MAP3K5: variants seen among roughly 807,000 people sequenced by gnomAD.
The protein encoded by MAP3K5 is ASK-1.
MAP3K5 carries 56 observed loss-of-function variants against 158.7 expected under a neutral mutation model. The observed-to-expected ratio is 0.35, with a 90% CI of 0.28 to 0.44. MAP3K5 has a LOEUF of 0.44. MAP3K5 is among the 20% of genes least tolerant of loss of function. The probability of loss-of-function intolerance (pLI) is 1.00; values close to 1 mark genes in which losing one functional copy is unlikely to be tolerated. For synonymous variants in MAP3K5, 579 were observed against 601.7 expected, an observed-to-expected ratio of 0.96 and a Z score of 0.55; for missense variants, 1,294 against 1,674.8, an observed-to-expected ratio of 0.77 and a Z score of 3.97.
intron 1 of MAP3K5, among the ~76,000 whole-genome samples, chr6:136,737,037 G>GTGTGTGTATATA (rs759947051): frequency 7.9e-6 from 1 of 127,002 alleles, no homozygotes; most frequent in African/African-American, 3.8e-5. Context: ...ATATGTGTGT[G>GTGTGTGTATATA]TATATATATA....
chr6:136,666,749 TAGTG>T (rs1779247013), intron 8 of MAP3K5, among the ~76,000 whole-genome samples: 1 of 152,208 alleles, frequency 6.6e-6, no homozygotes, highest in Non-Finnish European at 1.5e-5. Context: ...GAATCTAAGT[TAGTG>T]AGTTTTAACT....
chr6:136,674,560 A>G (rs953600258), intron 7 of MAP3K5, among the ~76,000 whole-genome samples: 1 of 152,006 alleles, frequency 6.6e-6, no homozygotes, highest in Admixed American at 6.5e-5. Context: ...TAAGACCAAT[A>G]AAAAATAAAT....
At chr6:136,645,658 A>G (rs980607390) in intron 11 of MAP3K5, among the ~76,000 whole-genome samples, 2 of 152,216 alleles carry the variant, frequency 1.3e-5, no homozygotes, top group African/African-American at 4.8e-5. Context: ...TCATTCAACA[A>G]ATAGAGAACT....
intron 1 of MAP3K5, among the ~76,000 whole-genome samples, chr6:136,791,117 A>G (rs1403988981): frequency 6.6e-6 from 1 of 152,196 alleles, no homozygotes; most frequent in African/African-American, 2.4e-5. Context: ...TGTAAGTTGT[A>G]ATGTTATTGC....
chr6:136,642,639 T>A, intron 11 of MAP3K5, 70 bp from the exon 12 acceptor site: 2 of 1,100,000 alleles, frequency 1.8e-6, no homozygotes, highest in African/African-American at 1.6e-5. Flanking sequence ...TAATTTTGTT[T>A]AATTATTTTT....
chr6:136,777,934 T>A lies in MAP3K5; in HGVS notation c.448+13776A>T, dbSNP rs183968120. Among the ~76,000 whole-genome samples, 139 of 152,312 alleles carry A rather than the reference T, an allele frequency of 9.1e-4. 2 individuals carry two copies. Among genetic ancestry groups the A allele is most frequent in the Non-Finnish European group, 4.3e-4 (29 of 68,028 alleles). On this transcript the variant is annotated intron_variant, in intron 1 of 29. Transcript: ENST00000359015. ...AACACGGGTGAGAAAAATACCAAAT[T>A]GAAATTATGTTGTTGGCATATTTTA...
chr6:136,646,881 G>C (rs1778284799), intron 11 of MAP3K5, among the ~76,000 whole-genome samples: 1 of 152,162 alleles, frequency 6.6e-6, no homozygotes, highest in Non-Finnish European at 1.5e-5. Context: ...ATTCCACTTG[G>C]AGTCTTGCCA....
At chr6:136,636,207 C>T (rs1324910849) in intron 14 of MAP3K5, among the ~76,000 whole-genome samples, 1 of 150,784 alleles carries the variant, frequency 6.6e-6, no homozygotes, top group East Asian at 1.9e-4. Context: ...AGCAGGGTAA[C>T]ATTAGTGGCC....
At chr6:136,628,443 A>G (rs1777149297) in intron 14 of MAP3K5, among the ~76,000 whole-genome samples, 1 of 151,756 alleles carries the variant, frequency 6.6e-6, no homozygotes, top group African/African-American at 2.4e-5. Flanking sequence ...GAGTCCTGCT[A>G]TGTTACCCAG....
intron 2 of MAP3K5, among the ~76,000 whole-genome samples, chr6:136,715,409 A>G (rs916402826): frequency 6.6e-6 from 1 of 152,226 alleles, no homozygotes; most frequent in Non-Finnish European, 1.5e-5. Context: ...TACAAAAATT[A>G]GCACTCATAA....
At position 136,583,729 on chromosome 6, in the gene MAP3K5, T is replaced by C; in HGVS notation, c.3237A>G (p.Glu1079=). ...TGATGTGTTCCCATTTTAGTTTCGG[T>C]TCTTCAGCCCCCTGTGAATAAAAAT... is the stretch of plus-strand genomic sequence containing the variant. ...LMESLAQGAE[E]PKLKWEHITT... Residue 1079 remains glutamate (E), a synonymous_variant, in exon 24 of 30, where the codon GAA becomes GAG. Transcript: ENST00000359015. The C allele has an allele frequency of 1.2e-6, 2 of 1,614,038 alleles. No homozygotes were observed. Among genetic ancestry groups the C allele is most frequent in the East Asian group, 2.2e-5 (1 of 44,864 alleles).
intron 21 of MAP3K5, among the ~76,000 whole-genome samples, chr6:136,596,892 C>G (rs1027002826): frequency 2.6e-5 from 4 of 152,130 alleles, no homozygotes; most frequent in Non-Finnish European, 5.9e-5. Flanking sequence ...TCCAGGGGAG[C>G]ACGGTGACAG....
At position 136,605,425 on chromosome 6, in the gene MAP3K5, GAC is replaced by G. The variant is rs1311195486; in HGVS notation, c.2522-61_2522-60del. ...AAGATAAAACAGAAGGGTATCTAAT[GAC>G]AGTTTTTCAACAGAATTTTTCAACA... is the stretch of plus-strand genomic sequence containing the variant. On this transcript the variant is annotated intron_variant, in intron 18 of 29. Transcript: ENST00000359015. 3 of 1,425,462 alleles carry G rather than the reference GAC, an allele frequency of 2.1e-6. No individual in the cohort carries two copies. The African/African-American group carries it at 4.3e-5, about 21-fold the overall frequency. The allele number at this position is 1,425,462 out of a possible 1,614,324, so 88.3% of individuals were successfully genotyped here. A position where few individuals can be genotyped will look rare whatever the true frequency, so the allele number is the denominator to read the frequency against.
In MAP3K5 at chr6:136,791,696, G is replaced by C; in HGVS notation, c.448+14C>G. The C allele has an allele frequency of 6.2e-7, 1 of 1,612,646 alleles. No individual in the cohort carries two copies. The highest frequency in any genetic ancestry group is 1.1e-5 in the South Asian group (1 of 91,066). On this transcript the variant is annotated intron_variant, in intron 1 of 29. Coordinates refer to ENST00000359015, the MANE Select transcript of MAP3K5 (RefSeq NM_005923.4). Reference sequence around the variant, plus strand: ...TCCCGACCGCGCGGGATGGGAAAGGGGTCACACACGCACCTGCATTGTAAA... The same window carrying C: ...TCCCGACCGCGCGGGATGGGAAAGGCGTCACACACGCACCTGCATTGTAAA...
At chr6:136,790,569 G>A (rs1421511175) in intron 1 of MAP3K5, among the ~76,000 whole-genome samples, 1 of 152,184 alleles carries the variant, frequency 6.6e-6, no homozygotes, top group Non-Finnish European at 1.5e-5. Flanking sequence ...TAACATGAAG[G>A]TCTTGTTGTT....
At chr6:136,576,408 C>G (rs1037375102) in intron 25 of MAP3K5, among the ~76,000 whole-genome samples, 32 of 152,164 alleles carry the variant, frequency 2.1e-4, no homozygotes, top group African/African-American at 7.7e-4. Context: ...ATCTCCTGGG[C>G]TCAAGCAATC....
At chr6:136,727,949 G>A (rs1339511835) in intron 1 of MAP3K5, among the ~76,000 whole-genome samples, 4 of 148,264 alleles carry the variant, frequency 2.7e-5, no homozygotes, top group Admixed American at 6.7e-5. Context: ...GCGACAGAGC[G>A]AGACTCCGCC....
intron 14 of MAP3K5, among the ~76,000 whole-genome samples, chr6:136,629,619 T>TA (rs1158544696): frequency 6.6e-6 from 1 of 151,874 alleles, no homozygotes; most frequent in East Asian, 1.9e-4. Context: ...CACACCCAGC[T>TA]AATTTTTTGT....
intron 25 of MAP3K5, among the ~76,000 whole-genome samples, chr6:136,573,136 A>G (rs1254594558): frequency 6.6e-6 from 1 of 152,248 alleles, no homozygotes; most frequent in Non-Finnish European, 1.5e-5. Context: ...ATTTGAATCA[A>G]TGCACTTAAT....
Sources: gnomAD v4.1 joint callset for allele counts (sites outside exome capture counted in the v4.1 genomes callset) on GRCh38, gnomAD v4.1.1 for gene constraint, MANE v1.5 for transcripts, NCBI Gene and HGNC (gene_info 2026-07-23, HGNC 2026-07-21) for gene names.